SPATA9: variants seen among roughly 807,000 people sequenced by gnomAD.
SPATA9 encodes spermatogenesis associated 9.
A neutral mutation model predicts 25.5 loss-of-function variants in SPATA9; 27 were observed. The ratio of observed to expected loss-of-function variants is 1.06; its 90% confidence interval spans 0.78 to 1.46. The LOEUF (loss-of-function observed/expected upper bound fraction) is 1.46, where lower values mean the gene tolerates loss of function less well. Among genes scored for constraint, SPATA9 ranks in the 40% most tolerant of loss-of-function variants. SPATA9 has a pLI of 0.00. For missense variants in SPATA9, 282 were observed against 297.5 expected, an observed-to-expected ratio of 0.95 and a Z score of 0.38; for synonymous variants, 102 against 105.7, an observed-to-expected ratio of 0.97 and a Z score of 0.21.
At chr5:95,683,545 G>T (rs1052540553), upstream of SPATA9, among the ~76,000 whole-genome samples, 1 of 152,072 alleles carries the variant, frequency 6.6e-6, no homozygotes, top group Admixed American at 6.6e-5. Flanking sequence ...TTGTTTGTTT[G>T]TTTGTTTTTT....
chr5:95,703,718 G>A, the SPATA9 span, among the ~76,000 whole-genome samples: 1 of 151,956 alleles, frequency 6.6e-6, no homozygotes, highest in Non-Finnish European at 1.5e-5. Flanking sequence ...ATATGGAAAT[G>A]TACATATCAA....
At chr5:95,702,507 T>C (rs933485476), upstream of SPATA9, among the ~76,000 whole-genome samples, 9 of 152,104 alleles carry the variant, frequency 5.9e-5, no homozygotes, top group African/African-American at 2.2e-4. Flanking sequence ...AAGAACCAAT[T>C]TGTCTAACTC....
chr5:95,653,300 C>T, intron 8 of SPATA9: 1 of 1,521,988 alleles, frequency 6.6e-7, no homozygotes, highest in Admixed American at 2.1e-5. Flanking sequence ...CAACTGTGTA[C>T]TCCAGGCAAA....
chr5:95,667,002 T>G (rs1751873183), intron 3 of SPATA9, among the ~76,000 whole-genome samples: 1 of 152,232 alleles, frequency 6.6e-6, no homozygotes, highest in South Asian at 2.1e-4. Flanking sequence ...CATGCTAGGT[T>G]CTATTCTACT....
chr5:95,668,427 A>C (rs1437545519), intron 3 of SPATA9, among the ~76,000 whole-genome samples: 1 of 152,194 alleles, frequency 6.6e-6, no homozygotes, highest in Non-Finnish European at 1.5e-5. Flanking sequence ...TGATTCACTT[A>C]AAAAACATGT....
chr5:95,675,819 CTT>C (rs33943918), intron 2 of SPATA9, among the ~76,000 whole-genome samples, 180 bp from the exon 3 acceptor site: 6,446 of 108,062 alleles, frequency 0.06, 103 homozygotes, highest in African/African-American at 0.11. Flanking sequence ...GTACTTAAAC[CTT>C]TTTTTTTTTT....
At chr5:95,679,743 C>G (rs991433546) in intron 2 of SPATA9, among the ~76,000 whole-genome samples, 1 of 152,228 alleles carries the variant, frequency 6.6e-6, no homozygotes, top group Non-Finnish European at 1.5e-5. Flanking sequence ...GGGCTATTAT[C>G]TTACAGGCTA....
chr5:95,724,547 G>C, the SPATA9 span, among the ~76,000 whole-genome samples: 1 of 152,130 alleles, frequency 6.6e-6, no homozygotes, highest in Non-Finnish European at 1.5e-5. Flanking sequence ...AGACCCTGGG[G>C]CCAATTGTCT....
chr5:95,687,357 T>A (rs34465885), upstream of SPATA9, among the ~76,000 whole-genome samples: 24,088 of 152,186 alleles, frequency 0.16, 2,202 homozygotes, highest in African/African-American at 0.25. Context: ...GAGAAAATGT[T>A]TAGACCTTCT....
At chr5:95,671,505 G>T (rs1561403815) in intron 3 of SPATA9, among the ~76,000 whole-genome samples, 2 of 152,168 alleles carry the variant, frequency 1.3e-5, no homozygotes, top group South Asian at 2.1e-4. Context: ...CGCCTCCAGG[G>T]TTCAAGCGAT....
downstream of SPATA9, chr5:95,656,189 G>A (rs757351425): frequency 1.9e-6 from 3 of 1,613,866 alleles, no homozygotes; most frequent in African/African-American, 2.7e-5. Flanking sequence ...TAAAGCAAAG[G>A]ATTCACACAG....
At position 95,675,649 on chromosome 5, in the gene SPATA9, A is replaced by G; in HGVS notation, c.151-10T>C. ...GCGCAGGTTCTCTTTTCTGAAAAAT[A>G]GGCCTTTGAAAAGTAACTGATGTGT... On this transcript the variant is annotated splice_polypyrimidine_tract_variant and intron_variant, in intron 2 of 4. Coordinates refer to ENST00000274432, the MANE Select transcript of SPATA9 (RefSeq NM_031952.4). 1.2e-6 allele frequency: 2 copies of G among 1,612,886 alleles called. No homozygotes were observed. The highest frequency in any genetic ancestry group is 1.7e-6 in the Non-Finnish European group (2 of 1,179,206).
At chr5:95,683,574 G>A (rs560599759), upstream of SPATA9, among the ~76,000 whole-genome samples, 28 of 152,214 alleles carry the variant, frequency 1.8e-4, no homozygotes, top group African/African-American at 6.7e-4. Flanking sequence ...GTCTTGCCCT[G>A]TTGCCCAGGC....
At chr5:95,655,060 T>A (rs1750657443), downstream of SPATA9, among the ~76,000 whole-genome samples, 1 of 152,192 alleles carries the variant, frequency 6.6e-6, no homozygotes. Context: ...TCTCTCTCTC[T>A]CTAACCGATG....
chr5:95,685,525 G>A (rs78408766), upstream of SPATA9, among the ~76,000 whole-genome samples: 7,742 of 152,280 alleles, frequency 0.051, 272 homozygotes, highest in African/African-American at 0.098. Flanking sequence ...GATCAGTTCT[G>A]TTGGTCCCAG....
chr5:95,718,012 G>A, the SPATA9 span, among the ~76,000 whole-genome samples: 7 of 152,170 alleles, frequency 4.6e-5, no homozygotes, highest in African/African-American at 1.7e-4. Context: ...TATTTGAATG[G>A]TAAGTGGTAA....
upstream of SPATA9, among the ~76,000 whole-genome samples, chr5:95,686,430 A>G (rs1011799038): frequency 1.3e-5 from 2 of 151,880 alleles, no homozygotes; most frequent in Non-Finnish European, 2.9e-5. Flanking sequence ...AGCCCCCAAA[A>G]CCTCCAAGTT....
chr5:95,720,364 G>T, the SPATA9 span, among the ~76,000 whole-genome samples: 197 of 152,322 alleles, frequency 1.3e-3, 1 homozygote, highest in African/African-American at 4.6e-3. Flanking sequence ...TTGAGATTAT[G>T]ATGGGGATCA....
At chr5:95,659,643 T>G (rs920134297) in intron 4 of SPATA9, 1 of 152,108 alleles carries the variant, frequency 6.6e-6, no homozygotes, top group African/African-American at 2.4e-5. Flanking sequence ...CAAGGTAATA[T>G]AAAAGATTAT....
Sources: allele counts gnomAD v4.1 joint callset (sites outside exome capture counted in the v4.1 genomes callset), GRCh38; gene constraint gnomAD v4.1.1; transcripts MANE v1.5; gene names NCBI Gene and HGNC (gene_info 2026-07-23, HGNC 2026-07-21).